Variants in FCGR1A observed in about 807,000 individuals in gnomAD.
FCGR1A encodes the protein Fc gamma receptor Ia, also known as high affinity immunoglobulin gamma Fc receptor I.
Under a neutral mutation model 35.0 loss-of-function variants are expected in FCGR1A, and 13 were observed. That is an observed-to-expected ratio of 0.37 (90% CI 0.24 to 0.59). FCGR1A has a LOEUF of 0.59. FCGR1A is among the 20% of genes least tolerant of loss of function. FCGR1A has a pLI of 0.71. For missense variants in FCGR1A, 227 were observed against 430.0 expected (o/e 0.53, Z 4.17); for synonymous variants, 91 against 164.7 (o/e 0.55, Z 3.43).
At chr1:149,792,554 C>T, downstream of FCGR1A, 2 of 1,178,506 alleles carry the variant, frequency 1.7e-6, no homozygotes, top group South Asian at 1.6e-5. Context: ...TGGTTTGATC[C>T]GTAAATGATG....
At chr1:149,794,271 G>T (rs587749165), downstream of FCGR1A, among the ~76,000 whole-genome samples, 1 of 151,604 alleles carries the variant, frequency 6.6e-6, no homozygotes, top group African/African-American at 2.4e-5. Context: ...AAAGAGAAGG[G>T]GGGGGAACAC....
At chr1:149,785,414 T>TG (rs2091518877) in intron 3 of FCGR1A, among the ~76,000 whole-genome samples, 3 of 131,440 alleles carry the variant, frequency 2.3e-5, no homozygotes, top group Non-Finnish European at 3.3e-5. Context: ...TTTCGTTTTT[T>TG]TTTTTTTTTT....
rs1406904 is a variant in FCGR1A at position 149,786,122 on chromosome 1, T to C, written c.307+1865T>C. On this transcript the variant is annotated intron_variant, in intron 3 of 5. Coordinates refer to ENST00000369168, the MANE Select transcript of FCGR1A (RefSeq NM_000566.4). Reference sequence around the variant, plus strand: ...AATATTTTCTACCATTACTAATGTTTGACAGTATCTGATGGAGGTATGTTA... The same window carrying C: ...AATATTTTCTACCATTACTAATGTTCGACAGTATCTGATGGAGGTATGTTA... The C allele has an allele frequency of 5.3e-3, 803 of 151,466 alleles. 23 individuals are homozygous for C. The South Asian group carries it at 0.069, about 13-fold the overall frequency. The allele number at this position is 151,466 out of a possible 1,614,324, so 9.4% of individuals were successfully genotyped here.
chr1:149,791,606 C>G lies in FCGR1A; in HGVS notation c.*89C>G, dbSNP rs1392384022. 5 of 1,547,108 alleles carry G rather than the reference C, an allele frequency of 3.2e-6. No individual in the cohort carries two copies. The Admixed American group carries it at 1.0e-4, about 32-fold the overall frequency. ...TGCGTACAAACATCCAAAAGTTCAA[C>G]AACACCAGAACTGTGTGTCTCATGG... On this transcript the variant is annotated 3_prime_UTR_variant, in exon 6 of 6. Coordinates refer to ENST00000369168, the MANE Select transcript of FCGR1A (RefSeq NM_000566.4).
At chr1:149,786,783 ATTAC>A (rs2091563563) in intron 3 of FCGR1A, 1 of 152,214 alleles carries the variant, frequency 6.6e-6, no homozygotes, top group Non-Finnish European at 1.5e-5. Flanking sequence ...TTATTCATGA[ATTAC>A]TTAGATGTTT....
chr1:149,789,629 C>G (rs1276330812), intron 4 of FCGR1A, among the ~76,000 whole-genome samples: 2 of 152,178 alleles, frequency 1.3e-5, no homozygotes, highest in African/African-American at 2.4e-5. Flanking sequence ...CATGAGCCAG[C>G]ATTACGGCCT....
chr1:149,785,310 A>T (rs1314540033), intron 3 of FCGR1A, among the ~76,000 whole-genome samples: 16 of 151,176 alleles, frequency 1.1e-4, no homozygotes, highest in African/African-American at 3.6e-4. Flanking sequence ...AATGTTGAGA[A>T]TGTCTGAGGG....
chr1:149,783,490 T>A, intron 2 of FCGR1A: 1 of 59,976 alleles, frequency 1.7e-5, no homozygotes, highest in Non-Finnish European at 2.8e-5. Flanking sequence ...ACTGAAGTAG[T>A]CTGCTGGGTT....
At chr1:149,784,382 C>G in intron 3 of FCGR1A, 125 bp downstream of exon 3, 2 of 1,565,172 alleles carry the variant, frequency 1.3e-6, no homozygotes, top group Non-Finnish European at 1.7e-6. Flanking sequence ...TATGTACCTA[C>G]CAGGTGAAAC....
At chr1:149,788,755 C>T (rs2091619424) in intron 4 of FCGR1A, 138 bp downstream of exon 4, 2 of 902,344 alleles carry the variant, frequency 2.2e-6, no homozygotes, top group African/African-American at 1.7e-5. Flanking sequence ...AAAGGCCACA[C>T]CATGACCAGT....
rs2091701279 is a variant in FCGR1A at position 149,791,180 on chromosome 1, G to C, written c.845-57G>C. ...AACCTTCCCTTCCAAACATAACTCAGCTAGACCCCTCTGGTCTCTAAATAG... is the reference window on the plus strand; with the variant it reads ...AACCTTCCCTTCCAAACATAACTCACCTAGACCCCTCTGGTCTCTAAATAG... On this transcript the variant is annotated intron_variant, in intron 5 of 5. Transcript: ENST00000369168. 8.1e-6 allele frequency: 13 copies of C among 1,605,312 alleles called. 1 individual carries two copies. Among genetic ancestry groups the C allele is most frequent in the South Asian group, 4.5e-5 (4 of 89,800 alleles).
In FCGR1A at chr1:149,790,548, C is replaced by T; in HGVS notation, c.844+210C>T. 7 of 984,776 alleles carry T rather than the reference C, an allele frequency of 7.1e-6. No homozygotes were observed. The South Asian group carries it at 1.2e-4, about 17-fold the overall frequency. The allele number at this position is 984,776 out of a possible 1,614,324, so 61.0% of individuals were successfully genotyped here. ...TTTCCTTTCCTTTCTTTTTCTTTTT[C>T]CTTTGCCTTTCCTTCCTCCATTTCT... On this transcript the variant is annotated intron_variant, in intron 5 of 5. Transcript: ENST00000369168.
chr1:149,794,111 C>T, downstream of FCGR1A: 1 of 463,592 alleles, frequency 2.2e-6, no homozygotes, highest in Non-Finnish European at 4.2e-6. Context: ...ACAGTAGAAG[C>T]AAAGAGACCA....
chr1:149,787,351 T>C (rs1312906580), intron 3 of FCGR1A: 1 of 152,230 alleles, frequency 6.6e-6, no homozygotes, highest in Non-Finnish European at 1.5e-5. Flanking sequence ...ACCAACTGCC[T>C]CTGGAGAAAA....
chr1:149,786,551 A>G (rs1395839557), intron 3 of FCGR1A: 14 of 152,190 alleles, frequency 9.2e-5, no homozygotes, highest in Non-Finnish European at 7.3e-5. Context: ...ACTCTTAGTC[A>G]TTTCAATTTA....
At chr1:149,799,790 A>G in the FCGR1A span, among the ~76,000 whole-genome samples, 3,731 of 152,168 alleles carry the variant, frequency 0.025, 272 homozygotes, top group East Asian at 0.2. Context: ...TTTCTGGCTT[A>G]TCTTGATCAT....
Position 149,785,407 on chromosome 1 carries a change from CG to C in FCGR1A, c.307+1151del, listed in dbSNP as rs1490183249. ...GTTAGGGAAGCTGACAGAGCTGTTT[CG>C]TTTTTTTTTTTTTTTTTTTTTTTTT... On this transcript the variant is annotated intron_variant, in intron 3 of 5. Coordinates refer to ENST00000369168, the MANE Select transcript of FCGR1A (RefSeq NM_000566.4). 2.6e-3 allele frequency among the ~76,000 whole-genome samples: 191 copies of C among 74,536 alleles called. 19 individuals carry two copies. Among genetic ancestry groups the C allele is most frequent in the African/African-American group, 8.2e-3 (179 of 21,906 alleles). The allele number at this position is 74,536 out of a possible 152,430, so 48.9% of individuals were successfully genotyped here. A position where few individuals can be genotyped will look rare whatever the true frequency, so the allele number is the denominator to read the frequency against.
chr1:149,793,126 C>T (rs1222314662), downstream of FCGR1A: 4 of 1,274,294 alleles, frequency 3.1e-6, no homozygotes, highest in Non-Finnish European at 4.1e-6. Context: ...CTCAGGTGCG[C>T]CCGGCCGAGC....
At chr1:149,789,104 C>T (rs1232612859) in intron 4 of FCGR1A, among the ~76,000 whole-genome samples, 1 of 151,590 alleles carries the variant, frequency 6.6e-6, no homozygotes, top group Non-Finnish European at 1.5e-5. Context: ...TGCATATGGC[C>T]TTGTTCTGAC....
Sources: allele counts gnomAD v4.1 joint callset (sites outside exome capture counted in the v4.1 genomes callset), GRCh38; gene constraint gnomAD v4.1.1; transcripts MANE v1.5; gene names NCBI Gene and HGNC (gene_info 2026-07-23, HGNC 2026-07-21).